The following PLB1 variants were observed in gnomAD, a reference collection of about 807,000 sequenced individuals.
PLB1 encodes the protein phospholipase B1.
In PLB1, 242 loss-of-function variants were observed where a neutral mutation model predicts 227.4. The observed-to-expected ratio is 1.06, with a 90% confidence interval of 0.96 to 1.18. PLB1 has a LOEUF of 1.18. Ranked by LOEUF, PLB1 falls within the 50% of genes most tolerant of loss-of-function variation. PLB1 has a pLI of 0.00. For synonymous variants in PLB1, 757 were observed against 682.2 expected, an observed-to-expected ratio of 1.11 and a Z score of -1.71; for missense variants, 1,858 against 1,816.3, an observed-to-expected ratio of 1.02 and a Z score of -0.42.
At chr2:28,549,987 C>T in intron 15 of PLB1, 23 bp from the exon 16 acceptor site, 1 of 1,601,252 alleles carries the variant, frequency 6.2e-7, no homozygotes, top group East Asian at 2.2e-5. Flanking sequence ...GTCACGATTC[C>T]AACATGTCAC....
Position 28,549,997 on chromosome 2 carries a change from C to T in PLB1, c.1009-13C>T, listed in dbSNP as rs764499915. 6 of 1,608,700 alleles carry T rather than the reference C, an allele frequency of 3.7e-6. No homozygotes were observed. The highest frequency in any genetic ancestry group is 3.3e-4 in the Middle Eastern group (2 of 6,048). On this transcript the variant is annotated splice_polypyrimidine_tract_variant and intron_variant, in intron 15 of 57. Coordinates refer to ENST00000327757, the MANE Select transcript of PLB1 (RefSeq NM_153021.5). Reference sequence around the variant, plus strand: ...CTAGGGTCACGATTCCAACATGTCACCTTTCCCTGCAGGAGAGCCCCTATC... The same window carrying T: ...CTAGGGTCACGATTCCAACATGTCATCTTTCCCTGCAGGAGAGCCCCTATC...
chr2:28,601,427 T>A, intron 37 of PLB1, 95 bp downstream of exon 37: 1 of 961,278 alleles, frequency 1.0e-6, no homozygotes, highest in Non-Finnish European at 1.6e-6. Context: ...AAACCAATCC[T>A]AGGATTATCC....
At chr2:28,547,685 C>G (rs1673509375) in intron 14 of PLB1, among the ~76,000 whole-genome samples, 1 of 152,072 alleles carries the variant, frequency 6.6e-6, no homozygotes, top group South Asian at 2.1e-4. Context: ...GCCAGAGGTA[C>G]GACCAGAGCC....
Position 28,585,658 on chromosome 2 carries a change from A to G in PLB1, c.1734-103A>G, listed in dbSNP as rs56757027. Reference sequence around the variant, plus strand: ...TCATTAGCACAGATCTCTGAACTCCAAGTTAAAAGAAATGTATTGAGTCTC... The same window carrying G: ...TCATTAGCACAGATCTCTGAACTCCGAGTTAAAAGAAATGTATTGAGTCTC... On this transcript the variant is annotated intron_variant, in intron 25 of 57. Transcript: ENST00000327757. The G allele has an allele frequency of 1.7e-3, 1,661 of 969,902 alleles. 15 individuals carry two copies. The African/African-American group carries it at 0.023, about 13-fold the overall frequency. The allele number at this position is 969,902 out of a possible 1,614,324, so 60.1% of individuals were successfully genotyped here.
chr2:28,612,226 C>T (rs1259820965), intron 43 of PLB1, among the ~76,000 whole-genome samples: 4 of 152,304 alleles, frequency 2.6e-5, no homozygotes, highest in Non-Finnish European at 4.4e-5. Context: ...GGAGACTTGT[C>T]GGGTGCCTCA....
At chr2:28,612,769 AT>A (rs10557060) in intron 43 of PLB1, among the ~76,000 whole-genome samples, 46,708 of 124,716 alleles carry the variant, frequency 0.37, 7,742 homozygotes, top group East Asian at 0.78. Context: ...CCACACCTGG[AT>A]TTTTTTTTTT....
chr2:28,516,057 C>T (rs887009775), intron 1 of PLB1, among the ~76,000 whole-genome samples: 7 of 151,916 alleles, frequency 4.6e-5, no homozygotes, highest in African/African-American at 1.5e-4. Flanking sequence ...TGTTTTTTTC[C>T]GCTTTTTAAA....
At chr2:28,599,549 T>C (rs1411131247) in intron 35 of PLB1, among the ~76,000 whole-genome samples, 3 of 150,790 alleles carry the variant, frequency 2.0e-5, no homozygotes, top group Non-Finnish European at 4.4e-5. Flanking sequence ...CACCCAGGTC[T>C]ATAACGGGGC....
In PLB1 at chr2:28,538,358, G is replaced by T. The variant is rs1408739269; in HGVS notation, c.595G>T (p.Val199Leu). ...GGGCGGCGTGGATGAGCTGATGGGG[G>T]TGCTGGACTACCTGCAGCAGGAGGT... is the stretch of plus-strand genomic sequence containing the variant. ...AAGGVDELMGVLDYLQQEVPR... is the reference protein window; with the variant it reads ...AAGGVDELMGLLDYLQQEVPR... Residue 199 changes from valine (V) to leucine (L), a missense_variant, in exon 10 of 58, where the codon GTG (valine) becomes TTG (leucine). Coordinates refer to ENST00000327757, the MANE Select transcript of PLB1 (RefSeq NM_153021.5). The T allele has an allele frequency of 6.2e-7, 1 of 1,612,952 alleles. No individual in the cohort carries two copies. The highest frequency in any genetic ancestry group is 1.1e-5 in the South Asian group (1 of 90,982).
At chr2:28,612,897 T>C (rs987792875) in intron 43 of PLB1, among the ~76,000 whole-genome samples, 13 of 150,170 alleles carry the variant, frequency 8.7e-5, no homozygotes, top group African/African-American at 3.0e-4. Flanking sequence ...GGGTTACAGG[T>C]GTGAGCCACT....
intron 6 of PLB1, 138 bp downstream of exon 6, chr2:28,526,083 G>A (rs1191693672): frequency 1.0e-6 from 1 of 973,750 alleles, no homozygotes; most frequent in Non-Finnish European, 1.6e-6. Flanking sequence ...GGTGTTCTGA[G>A]AGGACAGATC....
At chr2:28,611,357 CTCCCATTCTGG>C (rs1029820584) in intron 43 of PLB1, among the ~76,000 whole-genome samples, 3 of 152,194 alleles carry the variant, frequency 2.0e-5, no homozygotes, top group South Asian at 2.1e-4. Flanking sequence ...CCCTCAGTGC[CTCCCATTCTGG>C]TCACGGTAGG....
chr2:28,536,615 T>C (rs4476306), intron 9 of PLB1, among the ~76,000 whole-genome samples: 147,196 of 152,292 alleles, frequency 0.97, 71,213 homozygotes, highest in East Asian at 0.99. Flanking sequence ...AGAGTTAAGT[T>C]GGGTCTCAGG....
At chr2:28,536,195 A>G (rs529552842) in intron 9 of PLB1, among the ~76,000 whole-genome samples, 34 of 152,314 alleles carry the variant, frequency 2.2e-4, no homozygotes, top group African/African-American at 7.7e-4. Context: ...GCCTGTGTCC[A>G]CAGTTGTTCT....
At position 28,643,166 on chromosome 2, in the gene PLB1, A is replaced by C. The variant is rs3088281; in HGVS notation, c.*105A>C. The C allele has an allele frequency of 0.31, 354,190 of 1,158,770 alleles. 54,758 individuals carry two copies. The highest frequency in any genetic ancestry group is 0.36 in the East Asian group (13,656 of 38,134). 71.8% of individuals were successfully genotyped at this position (1,158,770 alleles called of 1,614,324 possible). ...AGGACATGCTTCAATGCCTGGTGCCATAGGAAGCCCAGGGGACAGTCACAA... is the reference window on the plus strand; with the variant it reads ...AGGACATGCTTCAATGCCTGGTGCCCTAGGAAGCCCAGGGGACAGTCACAA... On this transcript the variant is annotated 3_prime_UTR_variant, in exon 58 of 58. Transcript: ENST00000327757.
At chr2:28,523,709 G>A (rs889651448) in intron 4 of PLB1, among the ~76,000 whole-genome samples, 1 of 152,082 alleles carries the variant, frequency 6.6e-6, no homozygotes, top group African/African-American at 2.4e-5. Context: ...TGCAGGGGAG[G>A]GGTGATCTAT....
At position 28,643,406 on chromosome 2, in the gene PLB1, C is replaced by G. The variant is rs373502460; in HGVS notation, c.*345C>G. On this transcript the variant is annotated 3_prime_UTR_variant, in exon 58 of 58. Transcript: ENST00000327757. ...CCAGAGCCCAAACTGCCTGCCACCA[C>G]GAGCATATCCTCAAGTCACCAAACC... is the stretch of plus-strand genomic sequence containing the variant. 1.4e-5 allele frequency: 3 copies of G among 211,162 alleles called. No homozygotes were observed. Among genetic ancestry groups the G allele is most frequent in the Non-Finnish European group, 2.8e-5 (3 of 106,560 alleles). 13.1% of individuals were successfully genotyped at this position (211,162 alleles called of 1,614,324 possible).
chr2:28,642,932 C>T lies in PLB1; in HGVS notation c.4248C>T (p.Leu1416=). 1.9e-6 allele frequency: 3 copies of T among 1,609,068 alleles called. No individual in the cohort carries two copies. The highest frequency in any genetic ancestry group is 2.5e-6 in the Non-Finnish European group (3 of 1,177,804). The change falls in exon 58 of 58, where the codon CTC becomes CTT. Residue 1416 remains leucine, a synonymous_variant. Coordinates refer to ENST00000327757, the MANE Select transcript of PLB1 (RefSeq NM_153021.5). ...PDQAEEAPEV[L]YWAVPVAAGV... ...AGGCTGAAGAAGCCCCCGAGGTGCT[C>T]TACTGGGCTGTCCCAGTGGCAGCGG...
chr2:28,568,545 G>T (rs1677454115), intron 20 of PLB1, among the ~76,000 whole-genome samples: 2 of 152,198 alleles, frequency 1.3e-5, no homozygotes, highest in Non-Finnish European at 2.9e-5. Context: ...TCATAAGAAT[G>T]TAAGGGCAGA....
Sources: allele counts gnomAD v4.1 joint callset (sites outside exome capture counted in the v4.1 genomes callset), GRCh38; gene constraint gnomAD v4.1.1; transcripts MANE v1.5; gene names NCBI Gene and HGNC (gene_info 2026-07-23, HGNC 2026-07-21).